RAB43: variants seen among roughly 807,000 people sequenced by gnomAD.
RAB43 encodes RAB43, member RAS oncogene family, also known as ras-related protein Rab-43.
In RAB43, 6 loss-of-function variants were observed where a neutral mutation model predicts 18.8. That is an observed-to-expected ratio of 0.32 (90% CI 0.17 to 0.63). The LOEUF (loss-of-function observed/expected upper bound fraction) is 0.63, where lower values mean the gene tolerates loss of function less well. Ranked by LOEUF, RAB43 falls within the 30% of genes least tolerant of loss-of-function variation. The pLI is 0.79. For missense variants in RAB43, 195 were observed against 289.1 expected, an observed-to-expected ratio of 0.67 and a Z score of 2.36; for synonymous variants, 103 against 124.1, an observed-to-expected ratio of 0.83 and a Z score of 1.13.
intron 1 of RAB43, among the ~76,000 whole-genome samples, chr3:129,101,097 C>T (rs1186407118): frequency 3.9e-5 from 6 of 152,152 alleles, no homozygotes; most frequent in East Asian, 1.9e-4. Flanking sequence ...TGAGCCACTG[C>T]GCCCGGCCAT....
At chr3:129,091,875 G>A (rs1021554637) in intron 2 of RAB43, among the ~76,000 whole-genome samples, 3 of 151,900 alleles carry the variant, frequency 2.0e-5, no homozygotes, top group Non-Finnish European at 4.4e-5. Flanking sequence ...AGACCAGCCT[G>A]GCCAACATGA....
intron 1 of RAB43, among the ~76,000 whole-genome samples, chr3:129,108,976 T>C (rs907547629): frequency 6.6e-6 from 1 of 151,002 alleles, no homozygotes; most frequent in African/African-American, 2.4e-5. Context: ...TCCCCACATT[T>C]CTAGCTTACA....
At chr3:129,117,155 T>C in intron 1 of RAB43, among the ~76,000 whole-genome samples, 1 of 152,216 alleles carries the variant, frequency 6.6e-6, no homozygotes, top group East Asian at 1.9e-4. Context: ...ATATATACCC[T>C]TTGAAGTTTT....
chr3:129,112,516 G>A (rs1935237084), intron 1 of RAB43, among the ~76,000 whole-genome samples: 1 of 152,102 alleles, frequency 6.6e-6, no homozygotes, highest in African/African-American at 2.4e-5. Context: ...GCAAGGAGGG[G>A]AAATGACTCC....
intron 1 of RAB43, among the ~76,000 whole-genome samples, chr3:129,120,900 G>C (rs1489620763): frequency 2.0e-5 from 3 of 152,202 alleles, no homozygotes; most frequent in African/African-American, 7.2e-5. Flanking sequence ...CTGCCATCGC[G>C]GTGGATGGAG....
At position 129,120,855 on chromosome 3, in the gene RAB43, T is replaced by C. The variant is rs537644480; in HGVS notation, c.204+431A>G. ...GTCCTGGGGTGGGGATGCAGTTCTC[T>C]GGCTGAGTGCCCCGCCGGTGGGCTG... On this transcript the variant is annotated intron_variant, in intron 1 of 2. Coordinates refer to ENST00000315150, the MANE Select transcript of RAB43 (RefSeq NM_198490.3). 7.2e-4 allele frequency among the ~76,000 whole-genome samples: 110 copies of C among 152,300 alleles called. 1 individual carries two copies. The highest frequency in any genetic ancestry group is 1.3e-3 in the Non-Finnish European group (88 of 68,008).
At chr3:129,096,841 G>A (rs983499598) in intron 1 of RAB43, among the ~76,000 whole-genome samples, 1 of 152,118 alleles carries the variant, frequency 6.6e-6, no homozygotes, top group East Asian at 1.9e-4. Context: ...AGCCAGGTGC[G>A]GTGGCTCAAG....
Position 129,111,679 on chromosome 3 carries a change from C to T in RAB43, c.204+9607G>A, listed in dbSNP as rs553923621. ...AAGAAAACTGTAGCGTCAGAGTTTACACTGAAGTATTGGCCTTGAGATTTC... is the reference window on the plus strand; with the variant it reads ...AAGAAAACTGTAGCGTCAGAGTTTATACTGAAGTATTGGCCTTGAGATTTC... On this transcript the variant is annotated intron_variant, in intron 1 of 2. Transcript: ENST00000315150. Among the ~76,000 whole-genome samples, 5 of 152,214 alleles carry T rather than the reference C, an allele frequency of 3.3e-5. No homozygotes were observed. The East Asian group carries it at 9.6e-4, about 29-fold the overall frequency.
chr3:129,121,535 G>T lies in RAB43; in HGVS notation c.-46C>A. 1 of 1,494,244 alleles carries T rather than the reference G, an allele frequency of 6.7e-7. No individual in the cohort carries two copies. The highest frequency in any genetic ancestry group is 9.0e-7 in the Non-Finnish European group (1 of 1,111,718). 92.6% of individuals were successfully genotyped at this position (1,494,244 alleles called of 1,614,324 possible). A position where few individuals can be genotyped will look rare whatever the true frequency, so the allele number is the denominator to read the frequency against. Reference sequence around the variant, plus strand: ...GCCGGCGCTCTGGACGCTGGGACCGGCCTGAGCTCACGCAAGCCGCGGGCC... The same window carrying T: ...GCCGGCGCTCTGGACGCTGGGACCGTCCTGAGCTCACGCAAGCCGCGGGCC... On this transcript the variant is annotated 5_prime_UTR_variant, in exon 1 of 3. Transcript: ENST00000315150.
At chr3:129,102,009 A>AGCACT (rs1250229827) in intron 1 of RAB43, among the ~76,000 whole-genome samples, 6 of 152,200 alleles carry the variant, frequency 3.9e-5, no homozygotes, top group Admixed American at 6.5e-5. Context: ...CCTGCCGGAA[A>AGCACT]GCACTGTGTG....
intron 1 of RAB43, among the ~76,000 whole-genome samples, chr3:129,103,301 G>A (rs983945250): frequency 5.9e-5 from 9 of 152,120 alleles, no homozygotes; most frequent in African/African-American, 2.2e-4. Flanking sequence ...CTACACAAAC[G>A]GCCTCAGGCC....
rs1934884703 is a variant in RAB43 at position 129,107,858 on chromosome 3, A to T, written c.205-12689T>A. The stretch of plus-strand genomic sequence containing the variant: ...ATCAACGATGGCCCAGACTGGCCTC[A>T]CGAGTCCCTCACCCTCACCCTCCAA... On this transcript the variant is annotated intron_variant, in intron 1 of 2. Transcript: ENST00000315150. The surrounding 1 kb of genome is among the most constrained non-coding windows in gnomAD (Gnocchi z 4.2). Among the ~76,000 whole-genome samples the T allele has an allele frequency of 6.6e-6, 1 of 151,992 alleles. No individual in the cohort carries two copies.
At chr3:129,118,063 G>A (rs964928444) in intron 1 of RAB43, among the ~76,000 whole-genome samples, 10 of 152,332 alleles carry the variant, frequency 6.6e-5, no homozygotes, top group East Asian at 3.9e-4. Context: ...CTGAAGATGT[G>A]GCATTTGCGT....
In RAB43 at chr3:129,095,113, G is replaced by T. The variant is rs1472838509; in HGVS notation, c.261C>A (p.Tyr87Ter). The T allele has an allele frequency of 8.1e-6, 13 of 1,613,754 alleles. No homozygotes were observed. Among genetic ancestry groups the T allele is most frequent in the Admixed American group, 1.7e-5 (1 of 59,966 alleles). Reference sequence around the variant, plus strand: ...GGATGGCCCCATTGGCACTGCGGTAGTAGCTCTGGGTGATGGTGCGGAACC... The same window carrying T: ...GGATGGCCCCATTGGCACTGCGGTATTAGCTCTGGGTGATGGTGCGGAACC... The part of the protein sequence containing the change: ...QERFRTITQS[Y>*]YRSANGAILA... The change falls in exon 2 of 3, where the codon TAC becomes TAA. Residue 87 changes from tyrosine to a stop codon, truncating the protein, a stop_gained. Transcript: ENST00000315150. LOFTEE classifies it high-confidence loss of function. The surrounding 1 kb of genome is among the most constrained non-coding windows in gnomAD (Gnocchi z 4.2).
chr3:129,111,399 C>T (rs1935163617), intron 1 of RAB43, among the ~76,000 whole-genome samples: 1 of 151,656 alleles, frequency 6.6e-6, no homozygotes, highest in African/African-American at 2.4e-5. Context: ...CCTGTGGTCC[C>T]AGCTACTCAG....
intron 1 of RAB43, among the ~76,000 whole-genome samples, chr3:129,111,778 G>A (rs528839262): frequency 2.0e-5 from 3 of 151,992 alleles, no homozygotes; most frequent in Admixed American, 1.3e-4. Context: ...TCATAAAATT[G>A]ATTCTGTTCT....
At chr3:129,108,549 C>T (rs1434192812) in intron 1 of RAB43, among the ~76,000 whole-genome samples, 1 of 152,198 alleles carries the variant, frequency 6.6e-6, no homozygotes, top group African/African-American at 2.4e-5. Context: ...AGAGCAGGTA[C>T]CTAAGGAATC....
chr3:129,111,495 T>TA (rs1935169426), intron 1 of RAB43, among the ~76,000 whole-genome samples: 1 of 120,332 alleles, frequency 8.3e-6, no homozygotes, highest in Non-Finnish European at 1.6e-5. Flanking sequence ...GCCTGGGTGA[T>TA]AGAGACTCTG....
At chr3:129,091,931 C>T (rs977874902) in intron 2 of RAB43, among the ~76,000 whole-genome samples, 9 of 151,804 alleles carry the variant, frequency 5.9e-5, no homozygotes, top group Non-Finnish European at 8.8e-5. Context: ...ATTAGCTAGG[C>T]GTGGTGGCGG....
Sources: allele counts gnomAD v4.1 joint callset (sites outside exome capture counted in the v4.1 genomes callset), GRCh38; gene constraint gnomAD v4.1.1; non-coding constraint Gnocchi (gnomAD v3.1); transcripts MANE v1.5; gene names NCBI Gene and HGNC (gene_info 2026-07-23, HGNC 2026-07-21).